The following CASC3 variants were observed in gnomAD, a reference collection of about 807,000 sequenced individuals.
CASC3 encodes CASC3 exon junction complex subunit.
In CASC3, 30 loss-of-function variants were observed where a neutral mutation model predicts 80.5. That is an observed-to-expected ratio of 0.37 (90% CI 0.28 to 0.51). CASC3 has a LOEUF of 0.51. Ranked by LOEUF, CASC3 falls within the 20% of genes least tolerant of loss-of-function variation. The pLI, the probability that CASC3 is intolerant of heterozygous loss-of-function variation, is 0.94. For missense variants in CASC3, 824 were observed against 922.2 expected (o/e 0.89, Z 1.38); for synonymous variants, 312 against 333.6 (o/e 0.94, Z 0.70).
At position 40,170,796 on chromosome 17, in the gene CASC3, C is replaced by T. The variant is rs543665320; in HGVS notation, c.*391C>T. 2.0e-6 allele frequency: 2 copies of T among 985,236 alleles called. No homozygotes were observed. The highest frequency in any genetic ancestry group is 3.5e-5 in the African/African-American group (2 of 57,330). The allele number at this position is 985,236 out of a possible 1,614,324, so 61.0% of individuals were successfully genotyped here. A position where few individuals can be genotyped will look rare whatever the true frequency, so the allele number is the denominator to read the frequency against. ...TGTTTGTTTTGTTTTCTAAGATGTT[C>T]ATTTTTAAAGCCTGGCTTCTTATCC... On this transcript the variant is annotated 3_prime_UTR_variant, in exon 14 of 14. Transcript: ENST00000264645.
At chr17:40,169,199 C>T (rs992915446) in intron 11 of CASC3, 125 bp from the exon 12 acceptor site, 20 of 966,856 alleles carry the variant, frequency 2.1e-5, no homozygotes, top group Non-Finnish European at 2.9e-5. Context: ...GAAGGGTGGG[C>T]AGATTAGATA....
chr17:40,166,470 ATAATG>A (rs1384140086), intron 7 of CASC3, among the ~76,000 whole-genome samples: 1 of 152,206 alleles, frequency 6.6e-6, no homozygotes, highest in African/African-American at 2.4e-5. Context: ...AATATGTTGG[ATAATG>A]TAATGTGCTA....
chr17:40,156,410 G>A (rs1989145610), intron 3 of CASC3, among the ~76,000 whole-genome samples: 1 of 152,204 alleles, frequency 6.6e-6, no homozygotes, highest in African/African-American at 2.4e-5. Context: ...TGAACGGCCA[G>A]GCGCGGTGGC....
intron 3 of CASC3, among the ~76,000 whole-genome samples, chr17:40,153,169 C>T (rs958438340): frequency 1.1e-4 from 16 of 152,124 alleles, no homozygotes; most frequent in African/African-American, 3.4e-4. Context: ...ATCTCATTTT[C>T]GCTACCCTTA....
In CASC3 at chr17:40,149,243, A is replaced by G. The variant is rs112683299; in HGVS notation, c.297+7636A>G. Among the ~76,000 whole-genome samples the G allele has an allele frequency of 9.0e-3, 1,356 of 150,912 alleles. 17 individuals are homozygous for G. Among genetic ancestry groups the G allele is most frequent in the African/African-American group, 0.032 (1,304 of 41,102 alleles). On this transcript the variant is annotated intron_variant, in intron 3 of 13. Transcript: ENST00000264645. ...ATTCCATGTGGAGATTTGAAGAGAG[A>G]TAAAACTGTGCCACTGCCATTTTCT...
At position 40,140,963 on chromosome 17, in the gene CASC3, T is replaced by C. The variant is rs1988698566; in HGVS notation, c.231+184T>C. The C allele has an allele frequency of 9.4e-6, 6 of 641,682 alleles. No individual in the cohort carries two copies. The South Asian group carries it at 1.0e-4, about 11-fold the overall frequency. 39.7% of individuals were successfully genotyped at this position (641,682 alleles called of 1,614,324 possible). ...CGGAGTTCCAAGGGAAGAAGAAGGA[T>C]TGGGGGTTTCTGGGAGGATGGTAGA... On this transcript the variant is annotated intron_variant, in intron 1 of 13. Coordinates refer to ENST00000264645, the MANE Select transcript of CASC3 (RefSeq NM_007359.5).
At chr17:40,154,939 G>T (rs377430151) in intron 3 of CASC3, among the ~76,000 whole-genome samples, 6 of 152,266 alleles carry the variant, frequency 3.9e-5, no homozygotes, top group African/African-American at 1.4e-4. Flanking sequence ...ACCCAGGCTG[G>T]AGTGCAGTGG....
chr17:40,158,723 G>T (rs1989214525), intron 3 of CASC3, among the ~76,000 whole-genome samples: 1 of 152,138 alleles, frequency 6.6e-6, no homozygotes, highest in African/African-American at 2.4e-5. Flanking sequence ...GAGAGAGAGA[G>T]CACTTGGACT....
intron 2 of CASC3, 42 bp downstream of exon 2, chr17:40,141,276 TA>T: frequency 6.4e-7 from 1 of 1,567,492 alleles, no homozygotes; most frequent in Admixed American, 1.7e-5. Flanking sequence ...GAGTTTTTTT[TA>T]ACATAAACTC....
chr17:40,143,217 G>C (rs1988768859), intron 3 of CASC3, among the ~76,000 whole-genome samples: 1 of 152,174 alleles, frequency 6.6e-6, no homozygotes, highest in Non-Finnish European at 1.5e-5. Flanking sequence ...AGGCCAAGGT[G>C]GGCCAGTCAC....
At chr17:40,157,117 G>T (rs1007401525) in intron 3 of CASC3, among the ~76,000 whole-genome samples, 1 of 151,968 alleles carries the variant, frequency 6.6e-6, no homozygotes, top group Non-Finnish European at 1.5e-5. Context: ...AGGCCGAGGC[G>T]GGTGGATCAC....
intron 7 of CASC3, 110 bp downstream of exon 7, chr17:40,164,276 T>A: frequency 1.0e-6 from 1 of 958,638 alleles, no homozygotes; most frequent in Non-Finnish European, 1.5e-6. Flanking sequence ...CTACTTCTTT[T>A]TTTTTGAGAC....
At position 40,168,280 on chromosome 17, in the gene CASC3, C is replaced by T. The variant is rs778255125; in HGVS notation, c.1828C>T (p.Gln610Ter). The T allele has an allele frequency of 1.2e-6, 2 of 1,614,060 alleles. No homozygotes were observed. The highest frequency in any genetic ancestry group is 8.5e-7 in the Non-Finnish European group (1 of 1,180,032). Residue 610 changes from glutamine (Q) to a stop codon, truncating the protein, a stop_gained, in exon 11 of 14, where the codon CAG becomes TAG. Coordinates refer to ENST00000264645, the MANE Select transcript of CASC3 (RefSeq NM_007359.5). LOFTEE classifies it high-confidence loss of function. The stretch of plus-strand genomic sequence containing the variant: ...CCCACCAGTGTCCATGTCTCCAGGA[C>T]AGCCACCACCTCAGCAGTTGCTTGC... ...YPPPVSMSPG[Q>*]PPPQQLLAPT...
In CASC3 at chr17:40,168,289, C is replaced by T. The variant is rs1356458177; in HGVS notation, c.1837C>T (p.Pro613Ser). 6.2e-7 allele frequency: 1 copy of T among 1,614,166 alleles called. No homozygotes were observed. The highest frequency in any genetic ancestry group is 8.5e-7 in the Non-Finnish European group (1 of 1,180,016). The change falls in exon 11 of 14, where the codon CCT (proline) becomes TCT (serine). Residue 613 changes from proline (P) to serine (S), a missense_variant. By Grantham distance (74) the Pro-to-Ser change is moderately conservative (BLOSUM62 -1). Coordinates refer to ENST00000264645, the MANE Select transcript of CASC3 (RefSeq NM_007359.5). ...PVSMSPGQPP[P>S]QQLLAPTYFS... ...GTCCATGTCTCCAGGACAGCCACCACCTCAGCAGTTGCTTGCTCCTACTTA... is the reference window on the plus strand; with the variant it reads ...GTCCATGTCTCCAGGACAGCCACCATCTCAGCAGTTGCTTGCTCCTACTTA...
chr17:40,172,170 T>G lies in CASC3; in HGVS notation c.*1765T>G, dbSNP rs1480398023. 2.3e-6 allele frequency: 3 copies of G among 1,289,616 alleles called. No homozygotes were observed. Among genetic ancestry groups the G allele is most frequent in the Non-Finnish European group, 3.0e-6 (3 of 988,720 alleles). 79.9% of individuals were successfully genotyped at this position (1,289,616 alleles called of 1,614,324 possible). On this transcript the variant is annotated 3_prime_UTR_variant, in exon 14 of 14. Transcript: ENST00000264645. Reference sequence around the variant, plus strand: ...GATAATAAAATTTAGACTATAAACTTGGCTCCCTTGCCAGTGTTTTGCATG... The same window carrying G: ...GATAATAAAATTTAGACTATAAACTGGGCTCCCTTGCCAGTGTTTTGCATG...
intron 3 of CASC3, among the ~76,000 whole-genome samples, chr17:40,146,432 C>CTT (rs761549032): frequency 1.6e-4 from 21 of 134,944 alleles, no homozygotes; most frequent in African/African-American, 2.4e-4. Context: ...AGTACGATTT[C>CTT]TTTTTTTTTT....
At position 40,163,886 on chromosome 17, in the gene CASC3, G is replaced by T; in HGVS notation, c.1191G>T (p.Arg397Ser). ...APDAAPPPPDRPIEKKSYSRA... is the reference protein window; with the variant it reads ...APDAAPPPPDSPIEKKSYSRA... ...ATGCTGCACCACCACCCCCTGATAG[G>T]CCCATTGAGAAGAAATCCTATTCCC... Residue 397 changes from arginine (R) to serine (S), a missense_variant, in exon 7 of 14, where the codon AGG becomes AGT. Around this residue, in one of 3 missense-constraint regions of CASC3, gnomAD observed 464 missense variants for 506.0 expected, o/e 0.92. Transcript: ENST00000264645. 6.2e-7 allele frequency: 1 copy of T among 1,614,088 alleles called. No homozygotes were observed. Among genetic ancestry groups the T allele is most frequent in the Non-Finnish European group, 8.5e-7 (1 of 1,180,034 alleles).
chr17:40,157,969 T>TAG (rs1201854687), intron 3 of CASC3, among the ~76,000 whole-genome samples: 1 of 152,140 alleles, frequency 6.6e-6, no homozygotes, highest in Non-Finnish European at 1.5e-5. Flanking sequence ...TTGCATTGAG[T>TAG]AGACTTCAGA....
chr17:40,161,141 G>A (rs1264596283), intron 3 of CASC3, among the ~76,000 whole-genome samples: 2 of 151,670 alleles, frequency 1.3e-5, no homozygotes, highest in East Asian at 2.0e-4. Flanking sequence ...CACCAAGTGC[G>A]GCTAATTCTT....
Sources: gnomAD v4.1 joint callset for allele counts (sites outside exome capture counted in the v4.1 genomes callset) on GRCh38, gnomAD v4.1.1 for gene constraint, gnomAD v4.1.1 regional missense constraint, MANE v1.5 for transcripts, NCBI Gene and HGNC (gene_info 2026-07-23, HGNC 2026-07-21) for gene names.